MSRA: variants seen among roughly 807,000 people sequenced by gnomAD.
MSRA encodes the protein mitochondrial peptide methionine sulfoxide reductase.
A neutral mutation model predicts 31.3 loss-of-function variants in MSRA; 54 were observed. The ratio of observed to expected loss-of-function variants is 1.73; its 90% CI spans 1.39 to 2.17. The LOEUF (loss-of-function observed/expected upper bound fraction) is 2.17, where lower values mean the gene tolerates loss of function less well. MSRA is among the 30% of genes most tolerant of loss of function. The pLI, the probability that MSRA is intolerant of heterozygous loss-of-function variation, is 0.00. For synonymous variants in MSRA, 169 were observed against 116.5 expected, an observed-to-expected ratio of 1.45 and a Z score of -2.90; for missense variants, 507 against 300.9, an observed-to-expected ratio of 1.69 and a Z score of -5.07.
chr8:10,097,246 A>G (rs902557366), intron 1 of MSRA, among the ~76,000 whole-genome samples: 1 of 152,218 alleles, frequency 6.6e-6, no homozygotes, highest in African/African-American at 2.4e-5. Flanking sequence ...TCAACTTTTT[A>G]ATTAATCAAC....
At chr8:10,134,821 A>G (rs1029416415) in intron 1 of MSRA, among the ~76,000 whole-genome samples, 10 of 152,184 alleles carry the variant, frequency 6.6e-5, no homozygotes, top group Admixed American at 2.0e-4. Flanking sequence ...ATGCCGTTGC[A>G]TTTTCTGTTT....
chr8:10,352,626 A>G (rs552503076), intron 5 of MSRA, among the ~76,000 whole-genome samples: 36 of 152,222 alleles, frequency 2.4e-4, no homozygotes, highest in African/African-American at 6.7e-4. Context: ...TCTCGGTAAA[A>G]TGCTCCCTGA....
intron 1 of MSRA, 97 bp from the exon 2 acceptor site, chr8:10,207,736 C>G (rs1809120887): frequency 2.6e-6 from 3 of 1,166,170 alleles, no homozygotes; most frequent in Non-Finnish European, 3.6e-6. Context: ...ATTTTTAACT[C>G]AAAGGAGAAA....
At chr8:10,135,131 C>T (rs1802179955) in intron 1 of MSRA, among the ~76,000 whole-genome samples, 1 of 152,238 alleles carries the variant, frequency 6.6e-6, no homozygotes, top group African/African-American at 2.4e-5. Context: ...ACTTTGTCAT[C>T]AGCATTTCTA....
chr8:10,153,927 A>G (rs1803932301), intron 1 of MSRA, among the ~76,000 whole-genome samples: 1 of 152,250 alleles, frequency 6.6e-6, no homozygotes, highest in Admixed American at 6.5e-5. Flanking sequence ...GTTTAACATT[A>G]TATAGAAATA....
intron 3 of MSRA, among the ~76,000 whole-genome samples, chr8:10,266,605 C>T (rs1288968642): frequency 4.6e-5 from 7 of 150,900 alleles, no homozygotes; most frequent in African/African-American, 1.2e-4. Context: ...TCCAGTCTAT[C>T]GGTTTTTTTT....
At chr8:10,196,385 C>T (rs1807990927) in intron 1 of MSRA, among the ~76,000 whole-genome samples, 1 of 152,020 alleles carries the variant, frequency 6.6e-6, no homozygotes, top group African/African-American at 2.4e-5. Flanking sequence ...GCCTTAATTA[C>T]ATCCACAATA....
chr8:10,224,998 C>T (rs528699846), intron 2 of MSRA, among the ~76,000 whole-genome samples: 11 of 152,114 alleles, frequency 7.2e-5, no homozygotes, highest in Non-Finnish European at 1.3e-4. Flanking sequence ...ATAAGCTGGC[C>T]GTGGTGGCGC....
At position 10,248,361 on chromosome 8, in the gene MSRA, A is replaced by C. The variant is rs559046529; in HGVS notation, c.331+3138A>C. On this transcript the variant is annotated intron_variant, in intron 3 of 5. Transcript: ENST00000317173. ...TGTGGTTTCTTGGGGCAGATGCCAG[A>C]AATATAGGAGGAGGGGTTAACAGAA... 2.0e-5 allele frequency among the ~76,000 whole-genome samples: 3 copies of C among 152,276 alleles called. No homozygotes were observed. In the East Asian group the frequency reaches 5.8e-4, roughly 29 times the overall value.
At chr8:10,260,067 C>A (rs538006849) in intron 3 of MSRA, among the ~76,000 whole-genome samples, 9 of 152,168 alleles carry the variant, frequency 5.9e-5, no homozygotes, top group Non-Finnish European at 8.8e-5. Flanking sequence ...CAAGTCATTT[C>A]GGTTGGACGG....
intron 2 of MSRA, among the ~76,000 whole-genome samples, chr8:10,222,735 A>G (rs1009974942): frequency 6.6e-6 from 1 of 152,244 alleles, no homozygotes; most frequent in South Asian, 2.1e-4. Flanking sequence ...TAAGCCAGGC[A>G]TAGAAAAACA....
intron 1 of MSRA, among the ~76,000 whole-genome samples, chr8:10,140,128 G>T (rs1431999564): frequency 1.3e-5 from 2 of 152,216 alleles, no homozygotes; most frequent in Non-Finnish European, 2.9e-5. Flanking sequence ...GAGGAGTGTG[G>T]TGTGATTAGA....
chr8:10,255,806 T>A (rs2129089477), intron 3 of MSRA, among the ~76,000 whole-genome samples: 1 of 151,202 alleles, frequency 6.6e-6, no homozygotes, highest in African/African-American at 2.4e-5. Context: ...GGTTTTTTTT[T>A]TAAAAAACAA....
At chr8:10,310,738 G>T (rs935649399) in intron 4 of MSRA, among the ~76,000 whole-genome samples, 2 of 152,222 alleles carry the variant, frequency 1.3e-5, no homozygotes, top group African/African-American at 4.8e-5. Context: ...GTGGAATTCG[G>T]ACTTCAGGGC....
intron 1 of MSRA, among the ~76,000 whole-genome samples, chr8:10,148,016 A>G (rs13252589): frequency 0.35 from 52,642 of 152,164 alleles, 10,173 homozygotes; most frequent in Middle Eastern, 0.49. Context: ...ACTTGGCCAC[A>G]GTCCAAAGTG....
intron 1 of MSRA, among the ~76,000 whole-genome samples, chr8:10,201,753 C>G (rs1441430523): frequency 6.6e-6 from 1 of 152,246 alleles, no homozygotes; most frequent in Non-Finnish European, 1.5e-5. Flanking sequence ...CAGAAGTTGA[C>G]TTTGACCCAG....
chr8:10,256,801 C>A (rs1430873388), intron 3 of MSRA, among the ~76,000 whole-genome samples: 1 of 152,094 alleles, frequency 6.6e-6, no homozygotes, highest in African/African-American at 2.4e-5. Flanking sequence ...TCTCTGACCC[C>A]CTGAGTTTCA....
intron 1 of MSRA, among the ~76,000 whole-genome samples, chr8:10,064,436 G>A (rs1057138329): frequency 1.2e-4 from 18 of 151,904 alleles, no homozygotes; most frequent in African/African-American, 4.4e-4. Flanking sequence ...CATCTGTAGT[G>A]TTTCTCAGCA....
Position 10,112,726 on chromosome 8 carries a change from G to T in MSRA, c.142+58068G>T, listed in dbSNP as rs561382588. ...ATTCCACGACAGAGAAAAACACAGAGACCTATGGGAACATGATAGCCATGG... is the reference window on the plus strand; with the variant it reads ...ATTCCACGACAGAGAAAAACACAGATACCTATGGGAACATGATAGCCATGG... On this transcript the variant is annotated intron_variant, in intron 1 of 5. Coordinates refer to ENST00000317173, the MANE Select transcript of MSRA (RefSeq NM_012331.5). 8.5e-5 allele frequency among the ~76,000 whole-genome samples: 13 copies of T among 152,308 alleles called. 1 individual carries two copies. Among genetic ancestry groups the T allele is most frequent in the African/African-American group, 3.1e-4 (13 of 41,572 alleles).
Sources: gnomAD v4.1 joint callset for allele counts (sites outside exome capture counted in the v4.1 genomes callset) on GRCh38, gnomAD v4.1.1 for gene constraint, MANE v1.5 for transcripts, NCBI Gene and HGNC (gene_info 2026-07-23, HGNC 2026-07-21) for gene names.